FBXO42: variants seen among roughly 807,000 people sequenced by gnomAD.
The protein encoded by FBXO42 is F-box protein 42, also known as F-box only protein 42.
Under a neutral mutation model 71.7 loss-of-function variants are expected in FBXO42, and 12 were observed. The ratio of observed to expected loss-of-function variants is 0.17; its 90% CI spans 0.11 to 0.27. FBXO42 has a LOEUF of 0.27. Among genes scored for constraint, FBXO42 ranks in the 10% least tolerant of loss-of-function variants. The pLI, the probability that FBXO42 is intolerant of heterozygous loss-of-function variation, is 1.00. For missense variants in FBXO42, 707 were observed against 911.9 expected (o/e 0.78, Z 2.89); for synonymous variants, 325 against 327.5 (o/e 0.99, Z 0.08).
chr1:16,291,164 C>CGGG (rs2082073596), intron 4 of FBXO42, among the ~76,000 whole-genome samples: 1 of 152,180 alleles, frequency 6.6e-6, no homozygotes, highest in African/African-American at 2.4e-5. Context: ...GCCCTCCCCT[C>CGGG]AGTCACCCTC....
At chr1:16,331,771 C>T (rs1221673412) in intron 1 of FBXO42, among the ~76,000 whole-genome samples, 1 of 151,758 alleles carries the variant, frequency 6.6e-6, no homozygotes, top group Non-Finnish European at 1.5e-5. Context: ...ATAAATGCAG[C>T]CAGGCGCGGT....
intron 1 of FBXO42, among the ~76,000 whole-genome samples, chr1:16,317,284 A>G (rs1437506828): frequency 1.3e-5 from 2 of 152,072 alleles, no homozygotes; most frequent in Non-Finnish European, 2.9e-5. Flanking sequence ...TGGGCGTGGT[A>G]GCGTATGCCT....
At chr1:16,350,573 C>CAAAAAAAAA (rs60358251) in intron 1 of FBXO42, among the ~76,000 whole-genome samples, 58 of 66,742 alleles carry the variant, frequency 8.7e-4, no homozygotes, top group Middle Eastern at 8.9e-3. Context: ...ACTAAAATTA[C>CAAAAAAAAA]AAAAAAAAAA....
chr1:16,308,740 G>GTTTT lies in FBXO42; in HGVS notation c.251-2825_251-2822dup, dbSNP rs35488648. Reference sequence around the variant, plus strand: ...TCTCAGGCTGGGAGACCCCATCTCTGTTTTTTTTTTTTTTTTTTTTTTGAG... The same window carrying GTTTT: ...TCTCAGGCTGGGAGACCCCATCTCTGTTTTTTTTTTTTTTTTTTTTTTTTTTGAG... On this transcript the variant is annotated intron_variant, in intron 2 of 9. Transcript: ENST00000375592. 1.5e-3 allele frequency among the ~76,000 whole-genome samples: 119 copies of GTTTT among 80,622 alleles called. 1 individual carries two copies. Among genetic ancestry groups the GTTTT allele is most frequent in the Admixed American group, 2.0e-3 (12 of 6,022 alleles). The allele number at this position is 80,622 out of a possible 152,430, so 52.9% of individuals were successfully genotyped here.
rs200267691 is a variant in FBXO42 at position 16,331,422 on chromosome 1, AAATAAT to A, written c.-17-15993_-17-15988del. On this transcript the variant is annotated intron_variant, in intron 1 of 9. Coordinates refer to ENST00000375592, the MANE Select transcript of FBXO42 (RefSeq NM_018994.3). ...AGAGCGAGACTCTGTCTCAAAAAGA[AAATAAT>A]AATAATAATAATAATAATAATAATT... Among the ~76,000 whole-genome samples, 380 of 145,684 alleles carry A rather than the reference AAATAAT, an allele frequency of 2.6e-3. 8 individuals are homozygous for A. In the East Asian group the frequency reaches 0.058, roughly 22 times the overall value.
intron 2 of FBXO42, among the ~76,000 whole-genome samples, chr1:16,313,078 T>C (rs530766307): frequency 9.9e-5 from 15 of 151,966 alleles, no homozygotes; most frequent in African/African-American, 3.6e-4. Context: ...TACAGGCGTG[T>C]TCCACTGTGT....
chr1:16,276,237 G>A (rs918718673), intron 4 of FBXO42, among the ~76,000 whole-genome samples: 4 of 151,618 alleles, frequency 2.6e-5, no homozygotes, highest in East Asian at 1.9e-4. Flanking sequence ...AAAATTAGCC[G>A]GGCATGGTGG....
intron 1 of FBXO42, among the ~76,000 whole-genome samples, chr1:16,343,477 G>A (rs1356111729): frequency 6.6e-6 from 1 of 152,044 alleles, no homozygotes; most frequent in East Asian, 1.9e-4. Flanking sequence ...GCCTGGGAGG[G>A]AGAGGTTGTA....
At chr1:16,258,079 C>G (rs968444130) in intron 4 of FBXO42, among the ~76,000 whole-genome samples, 7 of 152,050 alleles carry the variant, frequency 4.6e-5, no homozygotes, top group Admixed American at 6.6e-5. Flanking sequence ...AATCCCAACA[C>G]TACATTAACC....
chr1:16,344,751 C>A (rs11809782), intron 1 of FBXO42, among the ~76,000 whole-genome samples: 4,000 of 152,008 alleles, frequency 0.026, 179 homozygotes, highest in African/African-American at 0.089. Context: ...AGAAAAAATC[C>A]CATAAATGTG....
intron 2 of FBXO42, among the ~76,000 whole-genome samples, chr1:16,314,158 G>T (rs2082341300): frequency 6.6e-6 from 1 of 152,028 alleles, no homozygotes; most frequent in Non-Finnish European, 1.5e-5. Flanking sequence ...CACCATGTTG[G>T]CCAGGCTGGT....
At chr1:16,350,761 G>GAAAGAAAGAAAGAAAGA (rs2082695581) in intron 1 of FBXO42, among the ~76,000 whole-genome samples, 1 of 113,906 alleles carries the variant, frequency 8.8e-6, no homozygotes, top group Non-Finnish European at 2.0e-5. Flanking sequence ...AAAAAAAAAA[G>GAAAGAAAGAAAGAAAGA]AAAGAAAGAA....
chr1:16,250,806 G>T lies in FBXO42; in HGVS notation c.2018C>A (p.Pro673His). ...CACGGTATGCAGGCTGGTTTCAGGA[G>T]GTCCAACCACAGAACTGCTATTAAA... ...KVFNSSSVVG[P>H]PETSLHTVVQ... Residue 673 changes from proline (P) to histidine (H), a missense_variant, in exon 10 of 10, where the codon CCT becomes CAT. Around this residue, in one of 5 missense-constraint regions of FBXO42, gnomAD observed 482 missense variants for 587.1 expected, o/e 0.82. Coordinates refer to ENST00000375592, the MANE Select transcript of FBXO42 (RefSeq NM_018994.3). This position sits in a 1 kb window ranked among gnomAD's most constrained non-coding sequence, Gnocchi z 4.7. The T allele has an allele frequency of 6.2e-7, 1 of 1,614,114 alleles. No homozygotes were observed. The highest frequency in any genetic ancestry group is 8.5e-7 in the Non-Finnish European group (1 of 1,180,032).
Position 16,260,251 on chromosome 1 carries a change from C to G in FBXO42, c.503-3492G>C, listed in dbSNP as rs1412660226. On this transcript the variant is annotated intron_variant, in intron 4 of 9. Transcript: ENST00000375592. ...TGAGACAGAATCTCACTCTGTCACCCAGGCTGGAGTGTAATGGCACGATCT... is the reference window on the plus strand; with the variant it reads ...TGAGACAGAATCTCACTCTGTCACCGAGGCTGGAGTGTAATGGCACGATCT... Among the ~76,000 whole-genome samples, 15 of 149,308 alleles carry G rather than the reference C, an allele frequency of 1.0e-4. No homozygotes were observed. The Admixed American group carries it at 1.0e-3, about 10-fold the overall frequency.
intron 1 of FBXO42, among the ~76,000 whole-genome samples, chr1:16,350,696 G>T (rs1413974654): frequency 2.9e-5 from 4 of 137,828 alleles, no homozygotes; most frequent in Admixed American, 8.1e-5. Context: ...GCAGAGAGCC[G>T]AGACTGTGCT....
At chr1:16,291,515 A>C (rs997217086) in intron 4 of FBXO42, among the ~76,000 whole-genome samples, 19 of 151,358 alleles carry the variant, frequency 1.3e-4, no homozygotes, top group African/African-American at 4.6e-4. Flanking sequence ...TGAGTAGCTG[A>C]GGTTACAGGC....
At chr1:16,310,476 AGCCCT>A (rs1224351731) in intron 2 of FBXO42, among the ~76,000 whole-genome samples, 3 of 152,130 alleles carry the variant, frequency 2.0e-5, no homozygotes, top group African/African-American at 7.2e-5. Context: ...GTCTGCAGTG[AGCCCT>A]GATCACGCCA....
chr1:16,347,140 C>CTG (rs139513021), intron 1 of FBXO42, among the ~76,000 whole-genome samples: 21 of 151,872 alleles, frequency 1.4e-4, no homozygotes, highest in Middle Eastern at 3.4e-3. Context: ...ATACACTTAT[C>CTG]TGTGTGTGTG....
chr1:16,346,008 C>T (rs2082651912), intron 1 of FBXO42, among the ~76,000 whole-genome samples: 1 of 152,154 alleles, frequency 6.6e-6, no homozygotes, highest in East Asian at 1.9e-4. Context: ...ACACTACCAA[C>T]TTAAGGAGGC....
Sources: gnomAD v4.1 joint callset for allele counts (sites outside exome capture counted in the v4.1 genomes callset) on GRCh38, gnomAD v4.1.1 for gene constraint, gnomAD v4.1.1 regional missense constraint, Gnocchi (gnomAD v3.1) non-coding constraint, MANE v1.5 for transcripts, NCBI Gene and HGNC (gene_info 2026-07-23, HGNC 2026-07-21) for gene names.